PPP2R5A: variants seen among roughly 807,000 people sequenced by gnomAD.
PPP2R5A encodes serine/threonine-protein phosphatase 2A 56 kDa regulatory subunit alpha isoform.
PPP2R5A carries 25 observed loss-of-function variants against 64.2 expected under a neutral mutation model. The ratio of observed to expected loss-of-function variants is 0.39; its 90% confidence interval spans 0.28 to 0.54. PPP2R5A has a LOEUF of 0.54. Ranked by LOEUF, PPP2R5A falls within the 20% of genes least tolerant of loss-of-function variation. The pLI, the probability that PPP2R5A is intolerant of heterozygous loss-of-function variation, is 0.67. For synonymous variants in PPP2R5A, 198 were observed against 201.2 expected, an observed-to-expected ratio of 0.98 and a Z score of 0.13; for missense variants, 425 against 576.3, an observed-to-expected ratio of 0.74 and a Z score of 2.69.
At chr1:212,298,896 T>C (rs1181867177) in intron 1 of PPP2R5A, among the ~76,000 whole-genome samples, 1 of 27,918 alleles carries the variant, frequency 3.6e-5, no homozygotes, top group African/African-American at 3.9e-4. Context: ...CCCACCTCCC[T>C]CCCGGACTGG....
chr1:212,319,078 A>G (rs1043773802), intron 1 of PPP2R5A, among the ~76,000 whole-genome samples: 3 of 152,346 alleles, frequency 2.0e-5, no homozygotes, highest in East Asian at 1.9e-4. Context: ...TTTGGAAGAA[A>G]TCAGCATCCA....
At chr1:212,349,851 T>A (rs1452283319) in intron 8 of PPP2R5A, among the ~76,000 whole-genome samples, 3 of 152,158 alleles carry the variant, frequency 2.0e-5, no homozygotes, top group Non-Finnish European at 4.4e-5. Context: ...TACTGAGGAT[T>A]CAAGAAAAAC....
intron 1 of PPP2R5A, among the ~76,000 whole-genome samples, chr1:212,290,011 C>G (rs1188432872): frequency 6.6e-6 from 1 of 152,166 alleles, no homozygotes; most frequent in Non-Finnish European, 1.5e-5. Context: ...TATAGATGTG[C>G]AGTCATCTTA....
chr1:212,347,213 G>A, intron 5 of PPP2R5A, 134 bp from the exon 6 acceptor site: 1 of 644,340 alleles, frequency 1.6e-6, no homozygotes, highest in East Asian at 3.0e-5. Context: ...GGGCAAAACT[G>A]CTTATAAGAC....
intron 1 of PPP2R5A, among the ~76,000 whole-genome samples, chr1:212,300,219 A>C (rs970315251): frequency 4.6e-5 from 7 of 152,162 alleles, no homozygotes; most frequent in Non-Finnish European, 1.0e-4. Context: ...CTGTTTTGAT[A>C]ATCTGTTTTT....
At chr1:212,309,061 AT>A in intron 1 of PPP2R5A, 2 of 784,554 alleles carry the variant, frequency 2.5e-6, no homozygotes. Context: ...GATGATCTCG[AT>A]TTTGTTGGCA....
chr1:212,340,149 A>T (rs1045597661), intron 3 of PPP2R5A, among the ~76,000 whole-genome samples: 5 of 151,938 alleles, frequency 3.3e-5, no homozygotes, highest in Non-Finnish European at 5.9e-5. Flanking sequence ...AAATATATAT[A>T]TTTTTAAATC....
At chr1:212,314,925 T>C (rs1236286993) in intron 1 of PPP2R5A, among the ~76,000 whole-genome samples, 1 of 151,968 alleles carries the variant, frequency 6.6e-6, no homozygotes, top group South Asian at 2.1e-4. Flanking sequence ...CAAGTTGGTC[T>C]TCAACTCCTG....
chr1:212,304,724 G>A (rs1658864129), intron 1 of PPP2R5A, among the ~76,000 whole-genome samples: 5 of 148,494 alleles, frequency 3.4e-5, no homozygotes, highest in Admixed American at 2.0e-4. Context: ...TACCAAGGCC[G>A]GCCCCAGTTT....
chr1:212,315,888 C>A (rs1311779033), intron 1 of PPP2R5A, among the ~76,000 whole-genome samples: 1 of 152,148 alleles, frequency 6.6e-6, no homozygotes, highest in Non-Finnish European at 1.5e-5. Context: ...CAATATATAT[C>A]TGTTATGATC....
rs998357293 is a variant in PPP2R5A at position 212,309,051 on chromosome 1, G to C, written c.182-20084G>C. 6.5e-6 allele frequency: 5 copies of C among 768,840 alleles called. No homozygotes were observed. In the African/African-American group the frequency reaches 6.8e-5, roughly 10 times the overall value. 47.6% of individuals were successfully genotyped at this position (768,840 alleles called of 1,614,324 possible). A position where few individuals can be genotyped will look rare whatever the true frequency, so the allele number is the denominator to read the frequency against. On this transcript the variant is annotated intron_variant, in intron 1 of 12. Coordinates refer to ENST00000261461, the MANE Select transcript of PPP2R5A (RefSeq NM_006243.4). Reference sequence around the variant, plus strand: ...TATTTAGCCAGCTAGACTCAGTTTAGATGATCTCGATTTTGTTGGCAACAT... The same window carrying C: ...TATTTAGCCAGCTAGACTCAGTTTACATGATCTCGATTTTGTTGGCAACAT...
intron 1 of PPP2R5A, 92 bp downstream of exon 1, chr1:212,286,383 C>T (rs1658500569): frequency 2.2e-6 from 3 of 1,347,888 alleles, no homozygotes; most frequent in South Asian, 1.6e-5. Context: ...TGGGTTTCTC[C>T]TGCTCAGTTG....
intron 1 of PPP2R5A, among the ~76,000 whole-genome samples, chr1:212,301,608 A>G (rs1456606397): frequency 1.3e-5 from 2 of 152,238 alleles, no homozygotes; most frequent in African/African-American, 4.8e-5. Flanking sequence ...TCATTTGTTA[A>G]TAAACATTTC....
chr1:212,332,618 C>T (rs534323789), intron 2 of PPP2R5A, among the ~76,000 whole-genome samples: 19 of 152,058 alleles, frequency 1.2e-4, no homozygotes, highest in African/African-American at 4.6e-4. Context: ...TAAATTAAAT[C>T]ATCAAAAGGT....
At chr1:212,359,046 C>T (rs1287857544) in intron 12 of PPP2R5A, among the ~76,000 whole-genome samples, 1 of 152,154 alleles carries the variant, frequency 6.6e-6, no homozygotes, top group Non-Finnish European at 1.5e-5. Context: ...TTTACTTCCT[C>T]TAAATGGTTA....
At chr1:212,291,028 G>A (rs1268065962) in intron 1 of PPP2R5A, among the ~76,000 whole-genome samples, 1 of 152,118 alleles carries the variant, frequency 6.6e-6, no homozygotes, top group East Asian at 1.9e-4. Flanking sequence ...GTAAAAAGCT[G>A]GGGATAAAGA....
In PPP2R5A at chr1:212,361,375, A is replaced by C. The variant is rs903067546; in HGVS notation, c.*605A>C. On this transcript the variant is annotated 3_prime_UTR_variant, in exon 13 of 13. Coordinates refer to ENST00000261461, the MANE Select transcript of PPP2R5A (RefSeq NM_006243.4). ...AAATATAAATAAAAGCTGGGAAAGTAAACCAAAATTCTTCAGATTGTTCCT... is the reference window on the plus strand; with the variant it reads ...AAATATAAATAAAAGCTGGGAAAGTCAACCAAAATTCTTCAGATTGTTCCT... 1 of 152,702 alleles carries C rather than the reference A, an allele frequency of 6.5e-6. No individual in the cohort carries two copies. Among genetic ancestry groups the C allele is most frequent in the Non-Finnish European group, 1.5e-5 (1 of 68,052 alleles). The allele number at this position is 152,702 out of a possible 1,614,324, so 9.5% of individuals were successfully genotyped here.
At chr1:212,349,005 CAATTGTGAGTATAGTT>C (rs1659830423) in intron 7 of PPP2R5A, among the ~76,000 whole-genome samples, 168 bp from the exon 8 acceptor site, 1 of 152,092 alleles carries the variant, frequency 6.6e-6, no homozygotes, top group African/African-American at 2.4e-5. Flanking sequence ...AAAAGTTACA[CAATTGTGAGTATAGTT>C]TCACGATTGA....
At chr1:212,315,121 C>T (rs539730524) in intron 1 of PPP2R5A, among the ~76,000 whole-genome samples, 1 of 152,300 alleles carries the variant, frequency 6.6e-6, no homozygotes, top group African/African-American at 2.4e-5. Flanking sequence ...ATAACTTTTC[C>T]TATGGGAACA....
Sources: allele counts gnomAD v4.1 joint callset (sites outside exome capture counted in the v4.1 genomes callset), GRCh38; gene constraint gnomAD v4.1.1; transcripts MANE v1.5; gene names NCBI Gene and HGNC (gene_info 2026-07-23, HGNC 2026-07-21).